Variants in CMTM5 observed in about 807,000 individuals in gnomAD.
The protein encoded by CMTM5 is CKLF like MARVEL transmembrane domain containing 5.
CMTM5 carries 25 observed loss-of-function variants against 26.9 expected under a neutral mutation model. The ratio of observed to expected loss-of-function variants is 0.93; its 90% CI spans 0.68 to 1.30. The LOEUF (loss-of-function observed/expected upper bound fraction) is 1.30, where lower values mean the gene tolerates loss of function less well. Ranked by LOEUF, CMTM5 falls within the 50% of genes most tolerant of loss-of-function variation. The pLI, the probability that CMTM5 is intolerant of heterozygous loss-of-function variation, is 0.00. For missense variants in CMTM5, 292 were observed against 289.6 expected, an observed-to-expected ratio of 1.01 and a Z score of -0.06; for synonymous variants, 98 against 115.5, an observed-to-expected ratio of 0.85 and a Z score of 0.97.
chr14:23,377,421 C>T lies in CMTM5; in HGVS notation c.126+44C>T. 1.3e-6 allele frequency: 2 copies of T among 1,518,836 alleles called. No homozygotes were observed. Among genetic ancestry groups the T allele is most frequent in the East Asian group, 2.4e-5 (1 of 41,792 alleles). 94.1% of individuals were successfully genotyped at this position (1,518,836 alleles called of 1,614,324 possible). ...CCTGGTGCCTCCATCTCCCTGACCC[C>T]CGGCTCCTGGCCAGCCTTATGCCAG... On this transcript the variant is annotated intron_variant, in intron 1 of 5. Transcript: ENST00000339180. The surrounding 1 kb of genome is among the most constrained non-coding windows in gnomAD (Gnocchi z 4.6).
In CMTM5 at chr14:23,378,298, G is replaced by T. The variant is rs1001714143; in HGVS notation, c.127-51G>T. On this transcript the variant is annotated intron_variant, in intron 1 of 5. Transcript: ENST00000339180. This position sits in a 1 kb window ranked among gnomAD's most constrained non-coding sequence, Gnocchi z 4.2. ...CCAAGGAGGGGAAGGCAAAGCCCTG[G>T]CCCCTGCCTGTGTCCCCTTCTTGGC... 6.2e-6 allele frequency: 10 copies of T among 1,603,018 alleles called. No homozygotes were observed. The African/African-American group carries it at 1.3e-4, about 21-fold the overall frequency.
chr14:23,379,353 C>T lies in CMTM5; in HGVS notation c.628C>T (p.Arg210Trp), dbSNP rs140631314. ...IFAYDAFKIY[R>W]TEMAPGASQG... ...TGCCTATGATGCCTTCAAGATCTAC[C>T]GGACTGAGATGGCACCCGGGGCCAG... The change falls in exon 5 of 6, where the codon CGG becomes TGG. Residue 210 changes from arginine to tryptophan, a missense_variant. Coordinates refer to ENST00000339180, the MANE Select transcript of CMTM5 (RefSeq NM_001288746.2). The T allele has an allele frequency of 1.3e-4, 202 of 1,614,044 alleles. No homozygotes were observed. Among genetic ancestry groups the T allele is most frequent in the Middle Eastern group, 6.6e-4 (4 of 6,084 alleles).
At position 23,377,149 on chromosome 14, in the gene CMTM5, C is replaced by G; in HGVS notation, c.-103C>G. On this transcript the variant is annotated 5_prime_UTR_variant, in exon 1 of 6. Coordinates refer to ENST00000339180, the MANE Select transcript of CMTM5 (RefSeq NM_001288746.2). The surrounding 1 kb of genome is among the most constrained non-coding windows in gnomAD (Gnocchi z 4.6). The stretch of plus-strand genomic sequence containing the variant: ...CCTCCTGCTTCACTTTCAGGTTTCT[C>G]GAAGTGCCTTCTTGCTCCTGTCTGT... 1 of 1,486,752 alleles carries G rather than the reference C, an allele frequency of 6.7e-7. No homozygotes were observed. Among genetic ancestry groups the G allele is most frequent in the South Asian group, 1.2e-5 (1 of 82,028 alleles). 92.1% of individuals were successfully genotyped at this position (1,486,752 alleles called of 1,614,324 possible). A position where few individuals can be genotyped will look rare whatever the true frequency, so the allele number is the denominator to read the frequency against.
rs141394322 is a variant in CMTM5, at chr14:23,379,479, C to T, written c.664C>T (p.Gln222Ter). 2 of 1,613,908 alleles carry T rather than the reference C, an allele frequency of 1.2e-6. No individual in the cohort carries two copies. Among genetic ancestry groups the T allele is most frequent in the Admixed American group, 1.7e-5 (1 of 60,014 alleles). ...ACCTGGCTCTATCCTCACAGGGGAC[C>T]AGCAGTGACTCTGGGGCTACCTGGC... ...EMAPGASQGD[Q>*]Q The change falls in exon 6 of 6, where the codon CAG becomes TAG. Residue 222 changes from glutamine to a stop codon, truncating the protein, a stop_gained. Coordinates refer to ENST00000339180, the MANE Select transcript of CMTM5 (RefSeq NM_001288746.2). LOFTEE classifies it high-confidence loss of function.
At chr14:23,379,199 C>A in intron 4 of CMTM5, 76 bp downstream of exon 4, 1 of 1,598,614 alleles carries the variant, frequency 6.3e-7, no homozygotes, top group South Asian at 1.1e-5. Flanking sequence ...GTATCAGAAG[C>A]CACAGCCAGG....
rs746783558 is a variant in CMTM5 at position 23,379,323 on chromosome 14, A to G, written c.598A>G (p.Ile200Val). ...AFVFGIILVS[I>V]FAYDAFKIYR... is the part of the protein sequence containing the mutation. ...GGTTTTTGGCATCATCCTGGTTTCC[A>G]TCTTTGCCTATGATGCCTTCAAGAT... Residue 200 changes from isoleucine (I) to valine (V), a missense_variant, in exon 5 of 6, where the codon ATC becomes GTC. Transcript: ENST00000339180. The G allele has an allele frequency of 3.1e-6, 5 of 1,613,952 alleles. No homozygotes were observed. The highest frequency in any genetic ancestry group is 1.3e-5 in the African/African-American group (1 of 74,944).
In CMTM5 at chr14:23,378,770, C is replaced by T. The variant is rs1890707350; in HGVS notation, c.381C>T (p.Gly127=). ...PQPWPGLTPP[G]WHTPAAVPWV... is the part of the protein sequence containing the mutation. ...CCTGGCCTGGCTTGACCCCCCCGGG[C>T]TGGCATACTCCAGCCGCTGTCCCCT... Residue 127 remains glycine (G), a synonymous_variant, in exon 3 of 6, where the codon GGC becomes GGT. Transcript: ENST00000339180. This position sits in a 1 kb window ranked among gnomAD's most constrained non-coding sequence, Gnocchi z 4.2. 1 of 1,612,538 alleles carries T rather than the reference C, an allele frequency of 6.2e-7. No homozygotes were observed. Among genetic ancestry groups the T allele is most frequent in the Non-Finnish European group, 8.5e-7 (1 of 1,179,846 alleles).
chr14:23,377,092 C>T lies in CMTM5; in HGVS notation c.-160C>T. The T allele has an allele frequency of 1.0e-6, 1 of 981,842 alleles. No homozygotes were observed. Among genetic ancestry groups the T allele is most frequent in the Non-Finnish European group, 1.5e-6 (1 of 671,762 alleles). The allele number at this position is 981,842 out of a possible 1,614,324, so 60.8% of individuals were successfully genotyped here. On this transcript the variant is annotated 5_prime_UTR_variant, in exon 1 of 6. Transcript: ENST00000339180. This position sits in a 1 kb window ranked among gnomAD's most constrained non-coding sequence, Gnocchi z 4.6. The stretch of plus-strand genomic sequence containing the variant: ...GCCCATCTGGGCAAGGCCCCCAGCG[C>T]CTGCCTTCTCTCCCGGGGCCCTGTG...
rs1890778468 is a variant in CMTM5, at chr14:23,379,574, G to A, written c.*87G>A. ...TCTCCTTGGGATTCACTAGCCCCCA[G>A]CCCGCCAAACCCCACCCCAGCCCTA... On this transcript the variant is annotated 3_prime_UTR_variant, in exon 6 of 6. Coordinates refer to ENST00000339180, the MANE Select transcript of CMTM5 (RefSeq NM_001288746.2). 3 of 1,589,650 alleles carry A rather than the reference G, an allele frequency of 1.9e-6. No homozygotes were observed. In the South Asian group the frequency reaches 3.4e-5, roughly 18 times the overall value.
In CMTM5 at chr14:23,378,785, C is replaced by A. The variant is rs148470106; in HGVS notation, c.396C>A (p.Ala132=). ...GLTPPGWHTP[A]AVPWVPAPAP... ...CCCCCCCGGGCTGGCATACTCCAGC[C>A]GCTGTCCCCTGGGTTCCAGCCCCAG... The change falls in exon 3 of 6, where the codon GCC becomes GCA. Residue 132 remains alanine (A), a synonymous_variant. Transcript: ENST00000339180. The surrounding 1 kb of genome is among the most constrained non-coding windows in gnomAD (Gnocchi z 4.2). The A allele has an allele frequency of 6.2e-7, 1 of 1,612,460 alleles. No homozygotes were observed. Among genetic ancestry groups the A allele is most frequent in the Non-Finnish European group, 8.5e-7 (1 of 1,179,806 alleles).
chr14:23,377,087 C>A lies in CMTM5; in HGVS notation c.-165C>A. 1 of 921,094 alleles carries A rather than the reference C, an allele frequency of 1.1e-6. No homozygotes were observed. Among genetic ancestry groups the A allele is most frequent in the East Asian group, 2.7e-5 (1 of 37,662 alleles). The allele number at this position is 921,094 out of a possible 1,614,324, so 57.1% of individuals were successfully genotyped here. A position where few individuals can be genotyped will look rare whatever the true frequency, so the allele number is the denominator to read the frequency against. On this transcript the variant is annotated 5_prime_UTR_variant, in exon 1 of 6. Transcript: ENST00000339180. The surrounding 1 kb of genome is among the most constrained non-coding windows in gnomAD (Gnocchi z 4.6). ...TGAGGGCCCATCTGGGCAAGGCCCC[C>A]AGCGCCTGCCTTCTCTCCCGGGGCC... is the stretch of plus-strand genomic sequence containing the variant.
chr14:23,379,404 G>A (rs374734156), intron 5 of CMTM5, 21 bp downstream of exon 5: 206 of 1,614,016 alleles, frequency 1.3e-4, no homozygotes, highest in Non-Finnish European at 1.4e-4. Flanking sequence ...GTGCTCTGTG[G>A]AGAGGAGATG....
Position 23,379,068 on chromosome 14 carries a change from T to C in CMTM5, c.518T>C (p.Leu173Pro). ...TGTGTCAGTGCCATCATCATCTTCC[T>C]GGTGGTCTCCTTTGCAGCTGTGACC... ...LRCVSAIIIF[L>P]VVSFAAVTSR... Residue 173 changes from leucine (L) to proline (P), a missense_variant, in exon 4 of 6, where the codon CTG (leucine) becomes CCG (proline). Leu to Pro is a moderately conservative substitution (Grantham distance 98, BLOSUM62 -3). Coordinates refer to ENST00000339180, the MANE Select transcript of CMTM5 (RefSeq NM_001288746.2). 2.5e-6 allele frequency: 4 copies of C among 1,614,116 alleles called. No homozygotes were observed. Among genetic ancestry groups the C allele is most frequent in the Non-Finnish European group, 3.4e-6 (4 of 1,180,016 alleles).
In CMTM5 at chr14:23,378,188, C is replaced by A; in HGVS notation, c.127-161C>A. 3 of 746,294 alleles carry A rather than the reference C, an allele frequency of 4.0e-6. No homozygotes were observed. Among genetic ancestry groups the A allele is most frequent in the South Asian group, 3.7e-5 (2 of 53,592 alleles). 46.2% of individuals were successfully genotyped at this position (746,294 alleles called of 1,614,324 possible). On this transcript the variant is annotated intron_variant, in intron 1 of 5. Transcript: ENST00000339180. This position sits in a 1 kb window ranked among gnomAD's most constrained non-coding sequence, Gnocchi z 4.2. Reference sequence around the variant, plus strand: ...ACCGGCAAATGCCCTGCAACGGTGGCTCCTGACACCAGGGGATAGGGAGAT... The same window carrying A: ...ACCGGCAAATGCCCTGCAACGGTGGATCCTGACACCAGGGGATAGGGAGAT...
chr14:23,378,108 GC>G lies in CMTM5; in HGVS notation c.127-239del. ...GTGCTCCTGGGAGCCATATGGCTTG[GC>G]CAGACTGCTGGGGTTGCTGGGTGAG... On this transcript the variant is annotated intron_variant, in intron 1 of 5. Transcript: ENST00000339180. The surrounding 1 kb of genome is among the most constrained non-coding windows in gnomAD (Gnocchi z 4.2). 1 of 573,338 alleles carries G rather than the reference GC, an allele frequency of 1.7e-6. No individual in the cohort carries two copies. Among genetic ancestry groups the G allele is most frequent in the Middle Eastern group, 4.8e-4 (1 of 2,096 alleles). The allele number at this position is 573,338 out of a possible 1,614,324, so 35.5% of individuals were successfully genotyped here.
In CMTM5 at chr14:23,377,182, T is replaced by G; in HGVS notation, c.-70T>G. ...CTTCTTGCTCCTGTCTGTTTCCCCA[T>G]CCTGCCAGATTTCTGTTTCTCTTGC... On this transcript the variant is annotated 5_prime_UTR_variant, in exon 1 of 6. Transcript: ENST00000339180. This position sits in a 1 kb window ranked among gnomAD's most constrained non-coding sequence, Gnocchi z 4.6. 1.9e-6 allele frequency: 3 copies of G among 1,583,728 alleles called. No individual in the cohort carries two copies. Among genetic ancestry groups the G allele is most frequent in the Non-Finnish European group, 2.6e-6 (3 of 1,166,784 alleles).
rs944144678 is a variant in CMTM5, at chr14:23,378,694, G to C, written c.305G>C (p.Gly102Ala). The C allele has an allele frequency of 1.9e-6, 3 of 1,612,724 alleles. No individual in the cohort carries two copies. The African/African-American group carries it at 4.0e-5, about 22-fold the overall frequency. ...CLLQGHGQSG[G>A]PHPLDLLSHS... is the part of the protein sequence containing the mutation. Reference sequence around the variant, plus strand: ...CTGCAGGGCCACGGGCAATCAGGAGGACCACATCCGCTAGATCTACTCTCC... The same window carrying C: ...CTGCAGGGCCACGGGCAATCAGGAGCACCACATCCGCTAGATCTACTCTCC... The change falls in exon 3 of 6, where the codon GGA (glycine) becomes GCA (alanine). Residue 102 changes from glycine to alanine, a missense_variant. Coordinates refer to ENST00000339180, the MANE Select transcript of CMTM5 (RefSeq NM_001288746.2). The surrounding 1 kb of genome is among the most constrained non-coding windows in gnomAD (Gnocchi z 4.2).
At position 23,378,108 on chromosome 14, in the gene CMTM5, G is replaced by T; in HGVS notation, c.127-241G>T. The T allele has an allele frequency of 5.2e-6, 3 of 573,338 alleles. No individual in the cohort carries two copies. The highest frequency in any genetic ancestry group is 9.3e-6 in the Non-Finnish European group (3 of 322,356). The allele number at this position is 573,338 out of a possible 1,614,324, so 35.5% of individuals were successfully genotyped here. On this transcript the variant is annotated intron_variant, in intron 1 of 5. Coordinates refer to ENST00000339180, the MANE Select transcript of CMTM5 (RefSeq NM_001288746.2). This position sits in a 1 kb window ranked among gnomAD's most constrained non-coding sequence, Gnocchi z 4.2. Reference sequence around the variant, plus strand: ...GTGCTCCTGGGAGCCATATGGCTTGGCCAGACTGCTGGGGTTGCTGGGTGA... The same window carrying T: ...GTGCTCCTGGGAGCCATATGGCTTGTCCAGACTGCTGGGGTTGCTGGGTGA...
In CMTM5 at chr14:23,377,179, C is replaced by G. The variant is rs2138564956; in HGVS notation, c.-73C>G. On this transcript the variant is annotated 5_prime_UTR_variant, in exon 1 of 6. Coordinates refer to ENST00000339180, the MANE Select transcript of CMTM5 (RefSeq NM_001288746.2). The surrounding 1 kb of genome is among the most constrained non-coding windows in gnomAD (Gnocchi z 4.6). Reference sequence around the variant, plus strand: ...TGCCTTCTTGCTCCTGTCTGTTTCCCCATCCTGCCAGATTTCTGTTTCTCT... The same window carrying G: ...TGCCTTCTTGCTCCTGTCTGTTTCCGCATCCTGCCAGATTTCTGTTTCTCT... 6.3e-7 allele frequency: 1 copy of G among 1,578,780 alleles called. No homozygotes were observed. Among genetic ancestry groups the G allele is most frequent in the African/African-American group, 1.4e-5 (1 of 73,976 alleles).
Sources: allele counts gnomAD v4.1 joint callset, GRCh38; gene constraint gnomAD v4.1.1; non-coding constraint Gnocchi (gnomAD v3.1); transcripts MANE v1.5; gene names NCBI Gene and HGNC (gene_info 2026-07-23, HGNC 2026-07-21).